Variants in SYNE1 observed in about 807,000 individuals in gnomAD.
SYNE1 encodes the protein spectrin repeat containing nuclear envelope protein 1, also known as nesprin-1.
A neutral mutation model predicts 1,111.0 loss-of-function variants in SYNE1; 616 were observed. That is an observed-to-expected ratio of 0.55 (90% CI 0.52 to 0.59). SYNE1 has a LOEUF of 0.59. SYNE1 is among the 20% of genes least tolerant of loss of function. SYNE1 has a pLI of 0.00. For synonymous variants in SYNE1, 3,855 were observed against 3,825.8 expected, an observed-to-expected ratio of 1.01 and a Z score of -0.28; for missense variants, 10,006 against 10,417.0, an observed-to-expected ratio of 0.96 and a Z score of 1.72.
rs1345542670 is a variant in SYNE1, at chr6:152,143,885, G to A, written c.24977-120C>T. 2.7e-6 allele frequency: 4 copies of A among 1,455,868 alleles called. No homozygotes were observed. The African/African-American group carries it at 4.2e-5, about 15-fold the overall frequency. The allele number at this position is 1,455,868 out of a possible 1,614,324, so 90.2% of individuals were successfully genotyped here. A position where few individuals can be genotyped will look rare whatever the true frequency, so the allele number is the denominator to read the frequency against. On this transcript the variant is annotated intron_variant, in intron 137 of 145. Transcript: ENST00000367255. ...ACAGCAGCATAGAAATGGCAGGTGT[G>A]GGTAATTACAAAGCAAATTTAGTAC...
In SYNE1 at chr6:152,510,364, T is replaced by C. The variant is rs760044918; in HGVS notation, c.410A>G (p.Glu137Gly). The change falls in exon 8 of 146, where the codon GAG becomes GGG. Residue 137 changes from glutamate to glycine, a missense_variant. By Grantham distance (98) the Glu-to-Gly change is moderately conservative (BLOSUM62 -2). Around this residue, in one of 7 missense-constraint regions of SYNE1, gnomAD observed 1,971 missense variants for 2,084.1 expected, o/e 0.95. Coordinates refer to ENST00000367255, the MANE Select transcript of SYNE1 (RefSeq NM_182961.4). Reference protein sequence around the residue: ...WTIILYFQIEELTSNLPQLQS... With the variant: ...WTIILYFQIEGLTSNLPQLQS... ...GAGCTGGGGCAGGTTGCTGGTCAAC[T>C]CTTCAATCTGTTTGTGAGTTAACAG... The C allele has an allele frequency of 1.2e-5, 20 of 1,613,826 alleles. No individual in the cohort carries two copies. Among genetic ancestry groups the C allele is most frequent in the Non-Finnish European group, 1.7e-5 (20 of 1,179,950 alleles).
intron 8 of SYNE1, among the ~76,000 whole-genome samples, chr6:152,507,765 G>A (rs977519838): frequency 6.6e-6 from 1 of 152,068 alleles, no homozygotes; most frequent in Non-Finnish European, 1.5e-5. Flanking sequence ...TTATAAATGT[G>A]ACAATAGTTA....
intron 5 of SYNE1, 101 bp downstream of exon 5, chr6:152,525,979 T>C (rs1002060439): frequency 2.4e-5 from 26 of 1,064,502 alleles, no homozygotes; most frequent in Non-Finnish European, 3.4e-5. Context: ...CAAATAACTT[T>C]CTTTTACCTG....
rs117478218 is a variant in SYNE1, at chr6:152,165,328, A to G, written c.23628-1003T>C. Among the ~76,000 whole-genome samples, 1,310 of 152,322 alleles carry G rather than the reference A, an allele frequency of 8.6e-3. 13 individuals are homozygous for G. The highest frequency in any genetic ancestry group is 0.013 in the Non-Finnish European group (907 of 68,026). On this transcript the variant is annotated intron_variant, in intron 130 of 145. Coordinates refer to ENST00000367255, the MANE Select transcript of SYNE1 (RefSeq NM_182961.4). Reference sequence around the variant, plus strand: ...TATCATCACTTCTGTTCCAGTTTCAATAAATCAATGTGTCTCTCTCAAGTG... The same window carrying G: ...TATCATCACTTCTGTTCCAGTTTCAGTAAATCAATGTGTCTCTCTCAAGTG...
At chr6:152,620,510 A>G (rs981597498) in intron 3 of SYNE1, among the ~76,000 whole-genome samples, 2 of 152,198 alleles carry the variant, frequency 1.3e-5, no homozygotes, top group Non-Finnish European at 2.9e-5. Context: ...ATAAGGTCTC[A>G]GTTTTCCTCC....
At chr6:152,208,366 C>A (rs920925223) in intron 124 of SYNE1, among the ~76,000 whole-genome samples, 160 bp from the exon 125 acceptor site, 3 of 152,084 alleles carry the variant, frequency 2.0e-5, no homozygotes, top group Admixed American at 6.5e-5. Flanking sequence ...GGTTTTGGGT[C>A]TATTGCAATT....
At chr6:152,168,716 T>C (rs934156845) in intron 130 of SYNE1, among the ~76,000 whole-genome samples, 1 of 152,216 alleles carries the variant, frequency 6.6e-6, no homozygotes, top group East Asian at 1.9e-4. Flanking sequence ...CGGTAGTGTA[T>C]GCAAGAGTTT....
At chr6:152,235,118 T>C (rs1463741197) in intron 110 of SYNE1, among the ~76,000 whole-genome samples, 8 of 152,190 alleles carry the variant, frequency 5.3e-5, no homozygotes, top group Admixed American at 2.0e-4. Flanking sequence ...ACACAGACTA[T>C]GTCATTATGT....
intron 6 of SYNE1, among the ~76,000 whole-genome samples, chr6:152,514,647 A>C (rs1485435494): frequency 9.3e-5 from 14 of 151,004 alleles, no homozygotes; most frequent in East Asian, 5.8e-4. Flanking sequence ...ATAAAAAAAA[A>C]CAATGAATAC....
intron 104 of SYNE1, among the ~76,000 whole-genome samples, chr6:152,250,320 A>C (rs1269981748): frequency 1.3e-5 from 2 of 152,168 alleles, no homozygotes; most frequent in Non-Finnish European, 2.9e-5. Context: ...GTTCTATTTC[A>C]TAATAGTCAG....
At chr6:152,342,923 G>A (rs772623075) in intron 74 of SYNE1, among the ~76,000 whole-genome samples, 4 of 152,062 alleles carry the variant, frequency 2.6e-5, no homozygotes, top group Admixed American at 1.3e-4. Flanking sequence ...CCAAAACTAT[G>A]CAAGAAGCTA....
rs557975184 is a variant in SYNE1, at chr6:152,455,735, T to C, written c.2728-145A>G. The C allele has an allele frequency of 3.5e-5, 49 of 1,391,848 alleles. No individual in the cohort carries two copies. The East Asian group carries it at 1.2e-3, about 33-fold the overall frequency. 86.2% of individuals were successfully genotyped at this position (1,391,848 alleles called of 1,614,324 possible). ...AATAATTAACTCTTTTCAATATTAA[T>C]TAATATTAGGTAAAAAAGTAGGACA... On this transcript the variant is annotated intron_variant, in intron 23 of 145. Coordinates refer to ENST00000367255, the MANE Select transcript of SYNE1 (RefSeq NM_182961.4).
At position 152,301,871 on chromosome 6, in the gene SYNE1, T is replaced by C. The variant is rs771018016; in HGVS notation, c.17539A>G (p.Met5847Val). The C allele has an allele frequency of 1.2e-6, 2 of 1,610,770 alleles. No homozygotes were observed. The highest frequency in any genetic ancestry group is 1.3e-5 in the African/African-American group (1 of 74,916). Reference protein sequence around the residue: ...PTPSAHPSVVMMTAGRCHTLL... With the variant: ...PTPSAHPSVVVMTAGRCHTLL... ...GCGGGGACCCACTGGATCCTTACCA[T>C]GACCACAGAGGGGTGGGCCGAAGGC... Residue 5847 changes from methionine (M) to valine (V), a missense_variant and splice_region_variant, in exon 92 of 146, where the codon ATG (methionine) becomes GTG (valine). Met to Val is a conservative substitution (Grantham distance 21). Transcript: ENST00000367255.
intron 73 of SYNE1, 66 bp from the exon 74 acceptor site, chr6:152,344,293 T>C: frequency 3.7e-6 from 6 of 1,606,868 alleles, no homozygotes; most frequent in Non-Finnish European, 5.1e-6. Flanking sequence ...ATCATTCAAA[T>C]TCAATGAAAC....
intron 78 of SYNE1, among the ~76,000 whole-genome samples, chr6:152,327,525 A>G (rs1563094300): frequency 6.6e-6 from 1 of 152,232 alleles, no homozygotes; most frequent in Non-Finnish European, 1.5e-5. Flanking sequence ...ATGACTAGAC[A>G]AGATAAGCCG....
intron 5 of SYNE1, among the ~76,000 whole-genome samples, chr6:152,524,706 G>A (rs747836479): frequency 1.8e-4 from 28 of 152,118 alleles, no homozygotes; most frequent in Admixed American, 5.2e-4. Flanking sequence ...GAGGATGTGT[G>A]GAGAGCGAGA....
intron 140 of SYNE1, 103 bp from the exon 141 acceptor site, chr6:152,136,921 G>A: frequency 7.6e-7 from 1 of 1,314,072 alleles, no homozygotes. Flanking sequence ...ATTTAAACTG[G>A]CCTTAACAGG....
intron 10 of SYNE1, 83 bp from the exon 11 acceptor site, chr6:152,498,875 G>C: frequency 1.3e-6 from 1 of 751,286 alleles, no homozygotes; most frequent in Non-Finnish European, 2.0e-6. Context: ...TAAAATCAAT[G>C]GAAAGGCATC....
At chr6:152,598,741 G>A (rs1339420162) in intron 3 of SYNE1, among the ~76,000 whole-genome samples, 1 of 152,148 alleles carries the variant, frequency 6.6e-6, no homozygotes, top group Non-Finnish European at 1.5e-5. Flanking sequence ...GGGTAAGTCT[G>A]GTCTTTGTAT....
Sources: gnomAD v4.1 joint callset for allele counts (sites outside exome capture counted in the v4.1 genomes callset) on GRCh38, gnomAD v4.1.1 for gene constraint, gnomAD v4.1.1 regional missense constraint, MANE v1.5 for transcripts, NCBI Gene and HGNC (gene_info 2026-07-23, HGNC 2026-07-21) for gene names.